HDAC9: variants seen among roughly 807,000 people sequenced by gnomAD.
HDAC9 encodes MEF-2 interacting transcription repressor (MITR) protein.
HDAC9 carries 41 observed loss-of-function variants against 139.4 expected under a neutral mutation model. The ratio of observed to expected loss-of-function variants is 0.29; its 90% confidence interval spans 0.23 to 0.38. The LOEUF (loss-of-function observed/expected upper bound fraction) is 0.38, where lower values mean the gene tolerates loss of function less well. HDAC9 is among the 10% of genes least tolerant of loss of function. HDAC9 has a pLI of 1.00. For missense variants in HDAC9, 1,147 were observed against 1,297.0 expected, an observed-to-expected ratio of 0.88 and a Z score of 1.78; for synonymous variants, 517 against 476.2, an observed-to-expected ratio of 1.09 and a Z score of -1.12.
chr7:18,929,240 C>G (rs1354702173), intron 22 of HDAC9, among the ~76,000 whole-genome samples: 1 of 151,930 alleles, frequency 6.6e-6, no homozygotes, highest in East Asian at 1.9e-4. Flanking sequence ...AGAAACCAAC[C>G]CCTATAAAGT....
chr7:18,273,620 T>C (rs1224763909), intron 2 of HDAC9, among the ~76,000 whole-genome samples: 1 of 152,136 alleles, frequency 6.6e-6, no homozygotes, highest in Non-Finnish European at 1.5e-5. Context: ...AATTGGAGGA[T>C]ATTTGTGTGA....
At chr7:18,365,125 A>G (rs574447718) in intron 1 of HDAC9, among the ~76,000 whole-genome samples, 3 of 152,236 alleles carry the variant, frequency 2.0e-5, no homozygotes, top group Admixed American at 6.5e-5. Context: ...AGTGAGGTCA[A>G]TAAGAGAGAA....
At chr7:18,317,089 G>C (rs1252696736) in intron 1 of HDAC9, among the ~76,000 whole-genome samples, 1 of 127,912 alleles carries the variant, frequency 7.8e-6, no homozygotes, top group African/African-American at 3.0e-5. Context: ...GTCAGACTCT[G>C]TCTCAAAATA....
chr7:18,148,180 T>C (rs1285040233), intron 1 of HDAC9, among the ~76,000 whole-genome samples: 1 of 152,168 alleles, frequency 6.6e-6, no homozygotes, highest in East Asian at 1.9e-4. Flanking sequence ...ACAACAGAAA[T>C]GTATTATCTT....
In HDAC9 at chr7:18,634,023, ATAAGT is replaced by A. The variant is rs370472457; in HGVS notation, c.797-602_797-598del. Among the ~76,000 whole-genome samples the A allele has an allele frequency of 3.5e-4, 53 of 152,254 alleles. 1 individual carries two copies. In the East Asian group the frequency reaches 7.5e-3, roughly 22 times the overall value. Reference sequence around the variant, plus strand: ...TAGGCAACTTCTCATTTTCTGGAAAATAAGTTGAGTAGAGTTAAAGTCAGATGGTC... The same window carrying A: ...TAGGCAACTTCTCATTTTCTGGAAAATGAGTAGAGTTAAAGTCAGATGGTC... On this transcript the variant is annotated intron_variant, in intron 7 of 25. Coordinates refer to ENST00000686413, the MANE Select transcript of HDAC9 (RefSeq NM_178425.4).
intron 2 of HDAC9, among the ~76,000 whole-genome samples, chr7:18,255,238 C>G (rs1362275936): frequency 6.6e-6 from 1 of 151,964 alleles, no homozygotes; most frequent in Non-Finnish European, 1.5e-5. Context: ...TATTCATACA[C>G]AAGAAAAATA....
chr7:18,899,732 G>A (rs1333796242), intron 22 of HDAC9, among the ~76,000 whole-genome samples: 1 of 151,870 alleles, frequency 6.6e-6, no homozygotes, highest in Non-Finnish European at 1.5e-5. Context: ...AATTATCAGT[G>A]TAATTTGTTA....
chr7:18,702,648 T>C (rs1783581918), intron 12 of HDAC9, among the ~76,000 whole-genome samples: 1 of 152,050 alleles, frequency 6.6e-6, no homozygotes, highest in East Asian at 1.9e-4. Context: ...TCTGGGTAAC[T>C]TCATGGGGTG....
intron 1 of HDAC9, among the ~76,000 whole-genome samples, chr7:18,425,171 G>A (rs74435718): frequency 6.6e-6 from 1 of 152,246 alleles, no homozygotes; most frequent in African/African-American, 2.4e-5. Context: ...GACAGAATTT[G>A]CAGACAGCTT....
At chr7:18,470,696 T>C (rs1794658412) in intron 1 of HDAC9, among the ~76,000 whole-genome samples, 1 of 152,194 alleles carries the variant, frequency 6.6e-6, no homozygotes, top group Non-Finnish European at 1.5e-5. Context: ...GGCGTGGCCA[T>C]ATTCCAGTAA....
intron 2 of HDAC9, among the ~76,000 whole-genome samples, chr7:18,244,587 A>G (rs1004243558): frequency 3.3e-5 from 5 of 152,176 alleles, no homozygotes; most frequent in Admixed American, 6.5e-5. Context: ...TTACAAGGTC[A>G]GGAGTTCGAG....
intron 1 of HDAC9, among the ~76,000 whole-genome samples, chr7:18,329,724 C>T (rs1800764872): frequency 6.6e-6 from 1 of 151,640 alleles, no homozygotes; most frequent in Non-Finnish European, 1.5e-5. Context: ...CACTTGGATC[C>T]AGATTATGTC....
intron 2 of HDAC9, among the ~76,000 whole-genome samples, chr7:18,270,904 A>C (rs919764686): frequency 6.6e-6 from 1 of 152,194 alleles, no homozygotes; most frequent in African/African-American, 2.4e-5. Context: ...CAAGTTAACA[A>C]AATTTTCCCT....
intron 2 of HDAC9, among the ~76,000 whole-genome samples, chr7:18,541,900 G>A (rs748151125): frequency 2.9e-4 from 44 of 152,066 alleles, no homozygotes; most frequent in Admixed American, 3.3e-4. Flanking sequence ...GGCCTAGACC[G>A]CTTTTTTAAA....
intron 2 of HDAC9, among the ~76,000 whole-genome samples, chr7:18,228,161 CT>C (rs1377798161): frequency 6.6e-6 from 1 of 152,038 alleles, no homozygotes; most frequent in African/African-American, 2.4e-5. Context: ...TTTAACACAC[CT>C]TTAGTCACAG....
rs190384923 is a variant in HDAC9, at chr7:18,596,143, A to G, written c.664+2114A>G. ...CATGTTTCTTCCTTTTATGTTGAAAATCTGATATTTATGAAGTGTCTGGCT... is the reference window on the plus strand; with the variant it reads ...CATGTTTCTTCCTTTTATGTTGAAAGTCTGATATTTATGAAGTGTCTGGCT... On this transcript the variant is annotated intron_variant, in intron 6 of 25. Transcript: ENST00000686413. Among the ~76,000 whole-genome samples the G allele has an allele frequency of 4.6e-3, 697 of 152,000 alleles. 2 individuals carry two copies. Among genetic ancestry groups the G allele is most frequent in the Non-Finnish European group, 7.2e-3 (492 of 67,968 alleles).
At chr7:18,893,051 A>AAG (rs1800834829) in intron 22 of HDAC9, among the ~76,000 whole-genome samples, 1 of 144,832 alleles carries the variant, frequency 6.9e-6, no homozygotes, top group African/African-American at 2.7e-5. Flanking sequence ...AAAAAAAAAA[A>AAG]AAAGAAAAGA....
At chr7:18,193,045 G>T (rs1314154900) in intron 2 of HDAC9, among the ~76,000 whole-genome samples, 1 of 152,042 alleles carries the variant, frequency 6.6e-6, no homozygotes, top group Non-Finnish European at 1.5e-5. Flanking sequence ...AATTACCTAT[G>T]CATCTTTTAC....
intron 25 of HDAC9, among the ~76,000 whole-genome samples, chr7:18,990,047 C>G (rs1233590360): frequency 6.6e-6 from 1 of 152,146 alleles, no homozygotes; most frequent in Non-Finnish European, 1.5e-5. Flanking sequence ...GCCTTCTTCT[C>G]TCAGCTCATC....
Sources: allele counts gnomAD v4.1 joint callset (sites outside exome capture counted in the v4.1 genomes callset), GRCh38; gene constraint gnomAD v4.1.1; transcripts MANE v1.5; gene names NCBI Gene and HGNC (gene_info 2026-07-23, HGNC 2026-07-21).